NLRC4: variants seen among roughly 807,000 people sequenced by gnomAD.
The protein encoded by NLRC4 is NLR family CARD domain-containing protein 4.
In NLRC4, 63 loss-of-function variants were observed where a neutral mutation model predicts 79.9. That is an observed-to-expected ratio of 0.79 (90% CI 0.64 to 0.97). The LOEUF (loss-of-function observed/expected upper bound fraction) is 0.97. NLRC4 is among the 50% of genes least tolerant of loss of function. NLRC4 has a pLI of 0.00. For missense variants in NLRC4, 1,074 were observed against 1,215.2 expected (o/e 0.88, Z 1.73); for synonymous variants, 461 against 456.5 (o/e 1.01, Z -0.12).
chr2:32,241,369 CTTTTTTTT>C (rs34150887), intron 4 of NLRC4, among the ~76,000 whole-genome samples: 14 of 74,360 alleles, frequency 1.9e-4, no homozygotes, highest in Admixed American at 1.1e-3. Context: ...AAAAAATTTC[CTTTTTTTT>C]TTTTTTTTTT....
intron 4 of NLRC4, among the ~76,000 whole-genome samples, chr2:32,247,480 A>G (rs1441999665): frequency 6.6e-6 from 1 of 151,176 alleles, no homozygotes; most frequent in Non-Finnish European, 1.5e-5. Context: ...ACGCCCGGCT[A>G]ATTTTGTATT....
At chr2:32,237,380 G>A (rs1307906794) in intron 6 of NLRC4, among the ~76,000 whole-genome samples, 2 of 152,094 alleles carry the variant, frequency 1.3e-5, no homozygotes. Flanking sequence ...GCAGTTCTAA[G>A]CCTGTCTCTC....
intron 4 of NLRC4, among the ~76,000 whole-genome samples, chr2:32,241,419 C>CA (rs1686798802): frequency 7.2e-6 from 1 of 137,986 alleles, no homozygotes; most frequent in Non-Finnish European, 1.5e-5. Flanking sequence ...CTCTGTCGCC[C>CA]AGGCTAGAGT....
At chr2:32,233,349 A>ATTTTTT (rs1176305976) in intron 8 of NLRC4, among the ~76,000 whole-genome samples, 1 of 41,098 alleles carries the variant, frequency 2.4e-5, no homozygotes, top group Non-Finnish European at 4.4e-5. Context: ...ATATATATAT[A>ATTTTTT]TTTTTTTTTT....
At chr2:32,240,104 C>T (rs1639132810) in intron 5 of NLRC4, among the ~76,000 whole-genome samples, 1 of 152,158 alleles carries the variant, frequency 6.6e-6, no homozygotes, top group African/African-American at 2.4e-5. Context: ...CCTCAGCCTC[C>T]CAAGTAGCTG....
At chr2:32,257,684 A>AT (rs1177853091) in intron 1 of NLRC4, among the ~76,000 whole-genome samples, 1 of 150,566 alleles carries the variant, frequency 6.6e-6, no homozygotes, top group Non-Finnish European at 1.5e-5. Context: ...GGAGATGAGG[A>AT]TGTAAAACGC....
intron 4 of NLRC4, among the ~76,000 whole-genome samples, chr2:32,249,037 A>G (rs549226115): frequency 6.6e-6 from 1 of 152,194 alleles, no homozygotes; most frequent in Admixed American, 6.5e-5. Context: ...GTTTACAGAG[A>G]TTGCGTACCT....
chr2:32,261,067 C>A (rs1180419292), intron 1 of NLRC4, among the ~76,000 whole-genome samples: 2 of 151,278 alleles, frequency 1.3e-5, no homozygotes, highest in Non-Finnish European at 2.9e-5. Flanking sequence ...GTGGTGGGCG[C>A]CTGTAGTCCC....
At chr2:32,261,343 C>T (rs369652268) in intron 1 of NLRC4, among the ~76,000 whole-genome samples, 3 of 32,394 alleles carry the variant, frequency 9.3e-5, no homozygotes, top group African/African-American at 2.6e-4. Context: ...GATGGAGCCT[C>T]GCTCTGTAGC....
intron 8 of NLRC4, among the ~76,000 whole-genome samples, chr2:32,232,623 A>T (rs1415791162): frequency 6.6e-6 from 1 of 152,208 alleles, no homozygotes; most frequent in African/African-American, 2.4e-5. Context: ...GAATTGACTC[A>T]TGCTACTGTG....
chr2:32,242,658 G>C (rs1318182610), intron 4 of NLRC4, among the ~76,000 whole-genome samples: 1 of 152,108 alleles, frequency 6.6e-6, no homozygotes, highest in South Asian at 2.1e-4. Flanking sequence ...ATTCTACACA[G>C]TCACTTCCAG....
chr2:32,264,295 G>A (rs893822051), intron 1 of NLRC4, among the ~76,000 whole-genome samples: 8 of 151,742 alleles, frequency 5.3e-5, no homozygotes, highest in East Asian at 1.9e-4. Context: ...TAGCTGGGGC[G>A]CGGTGCCGGG....
chr2:32,226,152 T>A (rs1686389945), intron 8 of NLRC4, among the ~76,000 whole-genome samples: 1 of 152,172 alleles, frequency 6.6e-6, no homozygotes, highest in African/African-American at 2.4e-5. Flanking sequence ...AAATGGACAG[T>A]CTTGTCCGAC....
At chr2:32,241,329 A>G (rs1333419922) in intron 4 of NLRC4, among the ~76,000 whole-genome samples, 6 of 150,654 alleles carry the variant, frequency 4.0e-5, no homozygotes, top group Non-Finnish European at 8.9e-5. Flanking sequence ...CAAATAATAG[A>G]CTAGATACCA....
intron 4 of NLRC4, among the ~76,000 whole-genome samples, chr2:32,248,173 A>G (rs373442441): frequency 5.9e-5 from 9 of 152,288 alleles, no homozygotes; most frequent in East Asian, 1.9e-4. Flanking sequence ...GCAAAACTAT[A>G]TATCTAACAT....
chr2:32,230,437 T>C (rs72796895), intron 8 of NLRC4, among the ~76,000 whole-genome samples: 4,232 of 151,840 alleles, frequency 0.028, 89 homozygotes, highest in Non-Finnish European at 0.045. Flanking sequence ...ACTGCTGGGA[T>C]TACAAACGTG....
chr2:32,250,930 C>G lies in NLRC4; in HGVS notation c.934G>C (p.Val312Leu). The change falls in exon 4 of 9, where the codon GTG (valine) becomes CTG (leucine). Residue 312 changes from valine (V) to leucine (L), a missense_variant. Coordinates refer to ENST00000402280, the MANE Select transcript of NLRC4 (RefSeq NM_001199138.2). The surrounding 1 kb of genome is among the most constrained non-coding windows in gnomAD (Gnocchi z 4.9). The part of the protein sequence containing the change: ...EDSAQALIRE[V>L]LIKELAEGLL... ...CCTTCAGCAAGCTCCTTGATCAGCA[C>G]TTCTCGGATGAGAGCCTGGGCGCTG... 6.2e-7 allele frequency: 1 copy of G among 1,614,032 alleles called. No individual in the cohort carries two copies. Among genetic ancestry groups the G allele is most frequent in the South Asian group, 1.1e-5 (1 of 91,062 alleles).
intron 1 of NLRC4, among the ~76,000 whole-genome samples, chr2:32,258,029 C>T (rs980903006): frequency 2.6e-4 from 39 of 152,076 alleles, no homozygotes; most frequent in Non-Finnish European, 8.8e-5. Flanking sequence ...CTTGGTGTAC[C>T]GGAGGAATTG....
intron 4 of NLRC4, among the ~76,000 whole-genome samples, chr2:32,244,206 C>T (rs1460303394): frequency 2.6e-5 from 4 of 152,010 alleles, no homozygotes; most frequent in Non-Finnish European, 4.4e-5. Context: ...GCTATGATCA[C>T]GCCACTGCAC....
Sources: gnomAD v4.1 joint callset for allele counts (sites outside exome capture counted in the v4.1 genomes callset) on GRCh38, gnomAD v4.1.1 for gene constraint, Gnocchi (gnomAD v3.1) non-coding constraint, MANE v1.5 for transcripts, NCBI Gene and HGNC (gene_info 2026-07-23, HGNC 2026-07-21) for gene names.